Variants in PDE5A observed in about 807,000 individuals in gnomAD.
PDE5A encodes phosphodiesterase 5A, also known as cGMP-specific 3',5'-cyclic phosphodiesterase.
A neutral mutation model predicts 110.2 loss-of-function variants in PDE5A; 67 were observed. The observed-to-expected ratio is 0.61, with a 90% CI of 0.50 to 0.75. The LOEUF (loss-of-function observed/expected upper bound fraction) is 0.75. Among genes scored for constraint, PDE5A ranks in the 30% least tolerant of loss-of-function variants. PDE5A has a pLI of 0.00. For missense variants in PDE5A, 862 were observed against 1,045.1 expected, an observed-to-expected ratio of 0.82 and a Z score of 2.42; for synonymous variants, 328 against 351.2, an observed-to-expected ratio of 0.93 and a Z score of 0.74.
chr4:119,507,923 T>C (rs1181008741), intron 15 of PDE5A, among the ~76,000 whole-genome samples: 1 of 151,970 alleles, frequency 6.6e-6, no homozygotes, highest in African/African-American at 2.4e-5. Flanking sequence ...TGCCTACATA[T>C]GCATGTTTTT....
intron 5 of PDE5A, among the ~76,000 whole-genome samples, chr4:119,563,390 T>C (rs1039999388): frequency 2.0e-5 from 3 of 152,212 alleles, no homozygotes; most frequent in Non-Finnish European, 4.4e-5. Flanking sequence ...TTTGTCAACA[T>C]TATCAATATT....
chr4:119,580,832 A>T (rs1277907027), intron 3 of PDE5A, among the ~76,000 whole-genome samples: 1 of 152,252 alleles, frequency 6.6e-6, no homozygotes, highest in Non-Finnish European at 1.5e-5. Context: ...GTATATCAAC[A>T]TAGGTTATAC....
intron 15 of PDE5A, among the ~76,000 whole-genome samples, chr4:119,508,055 A>G (rs1406270700): frequency 6.6e-6 from 1 of 151,996 alleles, no homozygotes; most frequent in Non-Finnish European, 1.5e-5. Flanking sequence ...AAGCCATATT[A>G]ATGGATATGA....
intron 1 of PDE5A, among the ~76,000 whole-genome samples, chr4:119,625,523 G>T (rs1730315677): frequency 2.0e-5 from 3 of 152,134 alleles, no homozygotes; most frequent in African/African-American, 7.2e-5. Context: ...CAACAATAAT[G>T]CAGAAATTGT....
chr4:119,504,518 T>C lies in PDE5A; in HGVS notation c.2331+18A>G, dbSNP rs1725489671. 1 of 1,591,400 alleles carries C rather than the reference T, an allele frequency of 6.3e-7. No individual in the cohort carries two copies. ...ATTTTGACTTTTTAATTATTGTTAT[T>C]GTCACTAAGTAACATACCCGTTGTT... On this transcript the variant is annotated intron_variant, in intron 18 of 20. Transcript: ENST00000354960.
Position 119,612,966 on chromosome 4 carries a change from A to G in PDE5A, c.153-5669T>C, listed in dbSNP as rs568856084. Reference sequence around the variant, plus strand: ...TTAAAGACCAGTTAACAATTGAAGAAACAATCAATAAGGATAATGACATAG... The same window carrying G: ...TTAAAGACCAGTTAACAATTGAAGAGACAATCAATAAGGATAATGACATAG... On this transcript the variant is annotated intron_variant, in intron 1 of 20. Coordinates refer to ENST00000354960, the MANE Select transcript of PDE5A (RefSeq NM_001083.4). 2.0e-5 allele frequency among the ~76,000 whole-genome samples: 3 copies of G among 152,346 alleles called. No individual in the cohort carries two copies. In the South Asian group the frequency reaches 6.2e-4, roughly 32 times the overall value.
chr4:119,516,140 G>GT (rs1476820143), intron 14 of PDE5A, among the ~76,000 whole-genome samples: 1 of 152,104 alleles, frequency 6.6e-6, no homozygotes, highest in Non-Finnish European at 1.5e-5. Flanking sequence ...TTAAGACCAA[G>GT]TTTAAGTCTC....
At chr4:119,544,325 C>T (rs1727056444) in intron 9 of PDE5A, among the ~76,000 whole-genome samples, 1 of 152,108 alleles carries the variant, frequency 6.6e-6, no homozygotes, top group Admixed American at 6.5e-5. Flanking sequence ...ATCAATTATT[C>T]CATAGTCAAG....
chr4:119,585,706 G>A (rs1728736279), intron 3 of PDE5A, among the ~76,000 whole-genome samples: 1 of 152,224 alleles, frequency 6.6e-6, no homozygotes, highest in African/African-American at 2.4e-5. Flanking sequence ...AAGAGCTGGA[G>A]CCTAATTCCC....
chr4:119,542,894 G>A (rs559462926), intron 9 of PDE5A, among the ~76,000 whole-genome samples: 17 of 152,134 alleles, frequency 1.1e-4, no homozygotes, highest in African/African-American at 3.4e-4. Context: ...ACTCGGTCAC[G>A]AATTTTAGAT....
At chr4:119,612,977 A>C (rs1729810645) in intron 1 of PDE5A, among the ~76,000 whole-genome samples, 1 of 152,246 alleles carries the variant, frequency 6.6e-6, no homozygotes. Context: ...ACAATCAATA[A>C]GGATAATGAC....
At chr4:119,621,776 G>A (rs1730154799) in intron 1 of PDE5A, among the ~76,000 whole-genome samples, 1 of 152,066 alleles carries the variant, frequency 6.6e-6, no homozygotes, top group South Asian at 2.1e-4. Context: ...ATTCTCTATG[G>A]GTTCAAGTTG....
chr4:119,596,843 CA>C (rs1329310808), intron 2 of PDE5A, among the ~76,000 whole-genome samples: 1 of 152,000 alleles, frequency 6.6e-6, no homozygotes, highest in African/African-American at 2.4e-5. Context: ...GAAAAAAATA[CA>C]GACTCGAACA....
chr4:119,587,452 C>T (rs1281400002), intron 3 of PDE5A, among the ~76,000 whole-genome samples: 1 of 151,800 alleles, frequency 6.6e-6, no homozygotes, highest in Non-Finnish European at 1.5e-5. Flanking sequence ...GGCACAATCT[C>T]GGCTCACTGC....
intron 3 of PDE5A, among the ~76,000 whole-genome samples, chr4:119,579,389 CAT>C (rs1728505209): frequency 6.6e-6 from 1 of 152,182 alleles, no homozygotes; most frequent in African/African-American, 2.4e-5. Context: ...CACATGCACA[CAT>C]ATGTTTATTG....
rs114380090 is a variant in PDE5A at position 119,627,958 on chromosome 4, A to G, written c.152+562T>C. ...GTGAAAGGAGGCGCGCGGGACAAGC[A>G]GGAGACTGGAAGGGGGGAAAAGGCA... On this transcript the variant is annotated intron_variant, in intron 1 of 20. Transcript: ENST00000354960. This position sits in a 1 kb window ranked among gnomAD's most constrained non-coding sequence, Gnocchi z 4.6. 0.011 allele frequency: 7,801 copies of G among 691,068 alleles called. 52 individuals are homozygous for G. Among genetic ancestry groups the G allele is most frequent in the Middle Eastern group, 0.013 (19 of 1,418 alleles). 42.8% of individuals were successfully genotyped at this position (691,068 alleles called of 1,614,324 possible). A position where few individuals can be genotyped will look rare whatever the true frequency, so the allele number is the denominator to read the frequency against.
chr4:119,562,721 A>G, intron 6 of PDE5A, 112 bp downstream of exon 6: 1 of 764,442 alleles, frequency 1.3e-6, no homozygotes, highest in East Asian at 2.9e-5. Flanking sequence ...ATATTCATAC[A>G]CATTTGGGTT....
intron 2 of PDE5A, among the ~76,000 whole-genome samples, chr4:119,603,934 A>C (rs764286624): frequency 4.6e-5 from 7 of 152,352 alleles, no homozygotes; most frequent in South Asian, 2.1e-4. Flanking sequence ...TTCAAAAAAC[A>C]TAGTATTTTA....
At chr4:119,586,392 C>A (rs1404099470) in intron 3 of PDE5A, among the ~76,000 whole-genome samples, 1 of 152,078 alleles carries the variant, frequency 6.6e-6, no homozygotes, top group Non-Finnish European at 1.5e-5. Flanking sequence ...AGAAGAGAAG[C>A]AAATGGAGAT....
Sources: gnomAD v4.1 joint callset for allele counts (sites outside exome capture counted in the v4.1 genomes callset) on GRCh38, gnomAD v4.1.1 for gene constraint, Gnocchi (gnomAD v3.1) non-coding constraint, MANE v1.5 for transcripts, NCBI Gene and HGNC (gene_info 2026-07-23, HGNC 2026-07-21) for gene names.